Variants in BMAL2 observed in about 807,000 individuals in gnomAD.
BMAL2 encodes the protein basic helix-loop-helix ARNT-like protein 2.
the BMAL2 span, chr12:27,401,515 C>G: frequency 6.4e-7 from 1 of 1,570,886 alleles, no homozygotes; most frequent in African/African-American, 1.4e-5. Context: ...ATTATCTTTT[C>G]TCGTTAAGTT....
chr12:27,349,447 AGGAGTTCTGTGT>A, the BMAL2 span, among the ~76,000 whole-genome samples: 223 of 152,332 alleles, frequency 1.5e-3, 2 homozygotes, highest in East Asian at 0.031. Context: ...TAATTATATG[AGGAGTTCTGTGT>A]GGAAATCTGA....
At chr12:27,407,194 A>G in the BMAL2 span, among the ~76,000 whole-genome samples, 1 of 152,292 alleles carries the variant, frequency 6.6e-6, no homozygotes, top group East Asian at 1.9e-4. Flanking sequence ...CGAGACAGAA[A>G]GTTAACAAGG....
At chr12:27,350,444 T>G in the BMAL2 span, among the ~76,000 whole-genome samples, 65 of 152,196 alleles carry the variant, frequency 4.3e-4, 1 homozygote, top group African/African-American at 1.4e-3. Flanking sequence ...TTGCATTTGA[T>G]TAGAAACTCC....
the BMAL2 span, among the ~76,000 whole-genome samples, chr12:27,419,438 T>C: frequency 6.6e-6 from 1 of 152,174 alleles, no homozygotes. Flanking sequence ...GAAAACTCAC[T>C]TTTATCACAA....
At chr12:27,401,329 T>C in the BMAL2 span, 1 of 1,614,012 alleles carries the variant, frequency 6.2e-7, no homozygotes, top group African/African-American at 1.3e-5. Flanking sequence ...TTCATCAAGA[T>C]GACCACAATA....
the BMAL2 span, among the ~76,000 whole-genome samples, chr12:27,420,019 G>GCACACACA: frequency 0.29 from 42,765 of 147,330 alleles, 6,414 homozygotes; most frequent in Admixed American, 0.41. Flanking sequence ...GTTTGCGCGT[G>GCACACACA]CACACACACA....
At chr12:27,342,061 C>T in the BMAL2 span, among the ~76,000 whole-genome samples, 2 of 152,160 alleles carry the variant, frequency 1.3e-5, no homozygotes, top group East Asian at 3.9e-4. Context: ...CTCAGCCTCC[C>T]GAATATCTGG....
chr12:27,392,231 A>G, the BMAL2 span, among the ~76,000 whole-genome samples: 1 of 152,210 alleles, frequency 6.6e-6, no homozygotes, highest in Non-Finnish European at 1.5e-5. Context: ...TAGGACCCCA[A>G]TAATAGGGTT....
the BMAL2 span, chr12:27,394,575 C>T: frequency 1.3e-5 from 2 of 152,208 alleles, no homozygotes; most frequent in African/African-American, 2.4e-5. Context: ...TCCACAGGAA[C>T]GATTATGAAT....
the BMAL2 span, among the ~76,000 whole-genome samples, chr12:27,391,022 T>C: frequency 6.6e-6 from 1 of 152,242 alleles, no homozygotes; most frequent in African/African-American, 2.4e-5. Flanking sequence ...CTGTGCCAGA[T>C]ACTGTGCTAA....
chr12:27,354,663 G>A, the BMAL2 span, among the ~76,000 whole-genome samples: 1 of 152,158 alleles, frequency 6.6e-6, no homozygotes, highest in Non-Finnish European at 1.5e-5. Flanking sequence ...CATGTTTTGT[G>A]TATAAAGTGT....
chr12:27,411,037 A>G, the BMAL2 span, among the ~76,000 whole-genome samples: 1 of 152,130 alleles, frequency 6.6e-6, no homozygotes, highest in Non-Finnish European at 1.5e-5. Flanking sequence ...TATAAAGAGT[A>G]AAATTATTAA....
chr12:27,394,285 C>G, the BMAL2 span: 1 of 152,338 alleles, frequency 6.6e-6, no homozygotes, highest in Non-Finnish European at 1.5e-5. Flanking sequence ...GGCATCCCCT[C>G]TTTCCAGGAA....
chr12:27,336,401 G>A, the BMAL2 span, among the ~76,000 whole-genome samples: 3 of 152,134 alleles, frequency 2.0e-5, no homozygotes, highest in African/African-American at 7.2e-5. Flanking sequence ...GAGCCAGTGG[G>A]AACTAAGAGC....
chr12:27,376,779 T>C, the BMAL2 span, among the ~76,000 whole-genome samples: 60,083 of 151,648 alleles, frequency 0.4, 12,511 homozygotes, highest in Admixed American at 0.49. Flanking sequence ...GGCAGGTGGA[T>C]CACGAGTTCA....
the BMAL2 span, among the ~76,000 whole-genome samples, chr12:27,387,577 A>T: frequency 1.3e-5 from 2 of 152,160 alleles, no homozygotes; most frequent in Admixed American, 6.6e-5. Context: ...AGTCAAAATG[A>T]TTATACCTGT....
chr12:27,376,904 G>A, the BMAL2 span, among the ~76,000 whole-genome samples: 1 of 150,432 alleles, frequency 6.6e-6, no homozygotes, highest in African/African-American at 2.4e-5. Flanking sequence ...GGGGGACTGA[G>A]GCAGGAGAAT....
the BMAL2 span, chr12:27,425,166 G>T: frequency 6.6e-6 from 1 of 151,656 alleles, no homozygotes; most frequent in Admixed American, 6.6e-5. Flanking sequence ...CAGTTCACTT[G>T]TGCTCGTCTG....
At chr12:27,383,564 GC>G in the BMAL2 span, among the ~76,000 whole-genome samples, 1 of 152,202 alleles carries the variant, frequency 6.6e-6, no homozygotes, top group African/African-American at 2.4e-5. Context: ...GTCAGGGCTC[GC>G]CTGTGATGGC....
Sources: allele counts gnomAD v4.1 joint callset (sites outside exome capture counted in the v4.1 genomes callset), GRCh38; gene constraint gnomAD v4.1.1; transcripts MANE v1.5; gene names NCBI Gene and HGNC (gene_info 2026-07-23, HGNC 2026-07-21).